The following SHANK2 variants were observed in gnomAD, a reference collection of about 807,000 sequenced individuals.
SHANK2 encodes SH3 and multiple ankyrin repeat domains 2, also known as SH3 and multiple ankyrin repeat domains protein 2.
SHANK2 carries 43 observed loss-of-function variants against 133.7 expected under a neutral mutation model. That is an observed-to-expected ratio of 0.32 (90% CI 0.25 to 0.41). The LOEUF is 0.41. Among genes scored for constraint, SHANK2 ranks in the 10% least tolerant of loss-of-function variants. SHANK2 has a pLI of 1.00. For synonymous variants in SHANK2, 1,017 were observed against 952.8 expected (o/e 1.07, Z -1.24); for missense variants, 1,994 against 2,235.8 (o/e 0.89, Z 2.18).
At chr11:70,918,034 T>G (rs1310456048) in intron 10 of SHANK2, among the ~76,000 whole-genome samples, 24 of 150,998 alleles carry the variant, frequency 1.6e-4, no homozygotes, top group South Asian at 4.2e-4. Flanking sequence ...TTTTTTTTTT[T>G]TTTTTTTTTT....
chr11:70,693,483 C>T (rs1409093964), intron 15 of SHANK2, among the ~76,000 whole-genome samples: 1 of 152,142 alleles, frequency 6.6e-6, no homozygotes, highest in Non-Finnish European at 1.5e-5. Flanking sequence ...TTCAGGGAGA[C>T]ACTCCCTCCC....
At chr11:71,167,626 G>A (rs1255153635) in intron 2 of SHANK2, among the ~76,000 whole-genome samples, 7 of 146,688 alleles carry the variant, frequency 4.8e-5, no homozygotes, top group Non-Finnish European at 9.1e-5. Flanking sequence ...CCGGGAAGAG[G>A]CGCCCCTCAC....
chr11:71,059,957 G>A (rs1016874529), intron 9 of SHANK2, among the ~76,000 whole-genome samples: 71 of 152,316 alleles, frequency 4.7e-4, no homozygotes, highest in Non-Finnish European at 8.8e-4. Flanking sequence ...ATGTGGAAGT[G>A]AGTGTGGACC....
intron 2 of SHANK2, among the ~76,000 whole-genome samples, chr11:71,167,358 C>G (rs192702320): frequency 6.6e-6 from 1 of 151,012 alleles, no homozygotes; most frequent in Non-Finnish European, 1.5e-5. Flanking sequence ...CCAGTAGGGG[C>G]GGCCGGGCAG....
At position 70,709,333 on chromosome 11, in the gene SHANK2, C is replaced by T. The variant is rs181264719; in HGVS notation, c.1778-10570G>A. ...CTAAAGCCCTGAACACACATGAACACGGGCCCAGGAGCCTGGGCAGGTTAT... is the reference window on the plus strand; with the variant it reads ...CTAAAGCCCTGAACACACATGAACATGGGCCCAGGAGCCTGGGCAGGTTAT... On this transcript the variant is annotated intron_variant, in intron 14 of 25. Coordinates refer to ENST00000601538, the MANE Select transcript of SHANK2 (RefSeq NM_012309.5). Among the ~76,000 whole-genome samples the T allele has an allele frequency of 1.6e-4, 25 of 152,360 alleles. 1 individual carries two copies. Among genetic ancestry groups the T allele is most frequent in the African/African-American group, 5.5e-4 (23 of 41,588 alleles).
Position 71,119,031 on chromosome 11 carries a change from T to G in SHANK2, c.209A>C (p.Lys70Thr). The G allele has an allele frequency of 1.9e-6, 3 of 1,551,578 alleles. No homozygotes were observed. The highest frequency in any genetic ancestry group is 2.6e-6 in the Non-Finnish European group (3 of 1,146,904). Residue 70 changes from lysine (K) to threonine (T), a missense_variant and splice_region_variant, in exon 4 of 26, where the codon AAA becomes ACA. Transcript: ENST00000601538. ...RVVIHDLQQT[K>T]CIRFNPDATV... Reference sequence around the variant, plus strand: ...GGCATCCGGGTTAAATCGAATGCATTTCTGCCAGGAAGGACAAAGACAGCT... The same window carrying G: ...GGCATCCGGGTTAAATCGAATGCATGTCTGCCAGGAAGGACAAAGACAGCT...
At chr11:71,147,817 C>A (rs1331828953) in intron 2 of SHANK2, among the ~76,000 whole-genome samples, 5 of 152,234 alleles carry the variant, frequency 3.3e-5, no homozygotes, top group Non-Finnish European at 7.3e-5. Context: ...GCTATAATAA[C>A]CCTCTCTGCT....
At position 70,659,507 on chromosome 11, in the gene SHANK2, C is replaced by T. The variant is rs145333456; in HGVS notation, c.2061+321G>A. ...GGTGCCTATTTAGTCACAACTAAAC[C>T]ACCCACAGGTCTGCACATGTCCCCA... On this transcript the variant is annotated intron_variant, in intron 17 of 25. Coordinates refer to ENST00000601538, the MANE Select transcript of SHANK2 (RefSeq NM_012309.5). Among the ~76,000 whole-genome samples the T allele has an allele frequency of 3.3e-5, 5 of 152,272 alleles. No individual in the cohort carries two copies. The East Asian group carries it at 9.7e-4, about 29-fold the overall frequency.
At chr11:70,939,793 C>T (rs1051016860) in intron 10 of SHANK2, among the ~76,000 whole-genome samples, 1 of 152,176 alleles carries the variant, frequency 6.6e-6, no homozygotes, top group Non-Finnish European at 1.5e-5. Context: ...GAGATCAAGT[C>T]CCAATCCCTG....
intron 14 of SHANK2, among the ~76,000 whole-genome samples, chr11:70,786,125 G>A (rs915867313): frequency 6.6e-6 from 1 of 152,218 alleles, no homozygotes; most frequent in Admixed American, 6.5e-5. Flanking sequence ...TGGAAACACA[G>A]CTGGCACGGG....
chr11:70,933,130 T>C, intron 10 of SHANK2: 1 of 456,588 alleles, frequency 2.2e-6, no homozygotes, highest in Non-Finnish European at 4.4e-6. Context: ...CACCGGCAGA[T>C]AAATGGATGA....
intron 14 of SHANK2, among the ~76,000 whole-genome samples, chr11:70,754,323 A>G (rs551955482): frequency 2.6e-5 from 4 of 152,300 alleles, no homozygotes; most frequent in Admixed American, 2.6e-4. Flanking sequence ...ACATCAATAC[A>G]CCAACATCCC....
chr11:70,825,760 A>C (rs1948627310), intron 11 of SHANK2, among the ~76,000 whole-genome samples: 1 of 141,362 alleles, frequency 7.1e-6, no homozygotes, highest in Non-Finnish European at 1.5e-5. Flanking sequence ...AACTGGAACC[A>C]TCCATGGAAA....
At chr11:70,835,748 T>G (rs1948804659) in intron 11 of SHANK2, among the ~76,000 whole-genome samples, 2 of 152,178 alleles carry the variant, frequency 1.3e-5, no homozygotes, top group South Asian at 4.1e-4. Flanking sequence ...TGGGTCAGTC[T>G]CTGACTCAAG....
In SHANK2 at chr11:70,554,952, C is replaced by T. The variant is rs181160048; in HGVS notation, c.2062-52021G>A. ...GGCCTGCAGCCACCCCACAGAGAGT[C>T]AGCCCATCAGCACCATTTTCCCAAC... is the stretch of plus-strand genomic sequence containing the variant. On this transcript the variant is annotated intron_variant, in intron 17 of 25. Coordinates refer to ENST00000601538, the MANE Select transcript of SHANK2 (RefSeq NM_012309.5). Among the ~76,000 whole-genome samples the T allele has an allele frequency of 2.2e-3, 319 of 146,314 alleles. 6 individuals carry two copies. The highest frequency in any genetic ancestry group is 5.9e-4 in the Non-Finnish European group (40 of 67,476).
At chr11:70,929,797 G>A (rs540844480) in intron 10 of SHANK2, among the ~76,000 whole-genome samples, 8 of 152,324 alleles carry the variant, frequency 5.3e-5, no homozygotes, top group African/African-American at 1.7e-4. Context: ...TTAGGATGCA[G>A]ACATGTTTGG....
chr11:70,670,747 A>G (rs1479980498), intron 15 of SHANK2, among the ~76,000 whole-genome samples: 1 of 152,200 alleles, frequency 6.6e-6, no homozygotes, highest in East Asian at 1.9e-4. Context: ...TGCCTGAGTG[A>G]CAGCCCCGGC....
At chr11:70,503,446 C>T (rs2059090125) in intron 17 of SHANK2, among the ~76,000 whole-genome samples, 1 of 152,214 alleles carries the variant, frequency 6.6e-6, no homozygotes, top group South Asian at 2.1e-4. Context: ...TCCTCCCACT[C>T]CCTCCCTCCC....
chr11:70,533,709 A>C (rs1160634465), intron 17 of SHANK2, among the ~76,000 whole-genome samples: 1 of 152,108 alleles, frequency 6.6e-6, no homozygotes, highest in East Asian at 1.9e-4. Flanking sequence ...CATTTAGTAC[A>C]TTCACAGTGT....
Sources: allele counts gnomAD v4.1 joint callset (sites outside exome capture counted in the v4.1 genomes callset), GRCh38; gene constraint gnomAD v4.1.1; transcripts MANE v1.5; gene names NCBI Gene and HGNC (gene_info 2026-07-23, HGNC 2026-07-21).